The following KYNU variants were observed in gnomAD, a reference collection of about 807,000 sequenced individuals.
KYNU encodes the protein kynureninase, also known as L-kynurenine hydrolase.
KYNU carries 54 observed loss-of-function variants against 59.2 expected under a neutral mutation model. That is an observed-to-expected ratio of 0.91 (90% confidence interval 0.73 to 1.14). The LOEUF (loss-of-function observed/expected upper bound fraction) is 1.14. KYNU is among the 50% of genes most tolerant of loss of function. The pLI is 0.00. For synonymous variants in KYNU, 177 were observed against 192.0 expected, an observed-to-expected ratio of 0.92 and a Z score of 0.65; for missense variants, 567 against 554.4, an observed-to-expected ratio of 1.02 and a Z score of -0.23.
At chr2:143,016,552 CTG>C (rs1299190316) in intron 10 of KYNU, among the ~76,000 whole-genome samples, 1 of 152,100 alleles carries the variant, frequency 6.6e-6, no homozygotes, top group Admixed American at 6.5e-5. Flanking sequence ...ATACAAACAA[CTG>C]TGTCAAAATT....
chr2:142,901,393 C>CA (rs1409649965), intron 2 of KYNU, among the ~76,000 whole-genome samples: 1 of 152,124 alleles, frequency 6.6e-6, no homozygotes, highest in African/African-American at 2.4e-5. Flanking sequence ...GGGATTACCC[C>CA]ATACTAGGGG....
At chr2:142,970,533 G>A (rs1028573498) in intron 8 of KYNU, among the ~76,000 whole-genome samples, 6 of 152,116 alleles carry the variant, frequency 3.9e-5, no homozygotes, top group East Asian at 1.9e-4. Flanking sequence ...TCACTAGTAC[G>A]TGATGGATAA....
At chr2:142,893,418 A>T (rs1681772970) in intron 2 of KYNU, among the ~76,000 whole-genome samples, 1 of 152,236 alleles carries the variant, frequency 6.6e-6, no homozygotes, top group African/African-American at 2.4e-5. Context: ...TTCATTTAGC[A>T]GTCAGGAGAG....
intron 10 of KYNU, among the ~76,000 whole-genome samples, chr2:142,986,294 A>G (rs1685196971): frequency 1.3e-5 from 2 of 151,948 alleles, no homozygotes; most frequent in Non-Finnish European, 2.9e-5. Flanking sequence ...GTTTAATGCA[A>G]AGAGACCACT....
intron 3 of KYNU, among the ~76,000 whole-genome samples, chr2:142,926,874 C>A (rs1212768376): frequency 6.6e-6 from 1 of 152,202 alleles, no homozygotes; most frequent in African/African-American, 2.4e-5. Flanking sequence ...GGAGACCCCC[C>A]TGCCTGCTTA....
At chr2:142,881,040 G>A (rs980952311) in intron 1 of KYNU, among the ~76,000 whole-genome samples, 2 of 152,206 alleles carry the variant, frequency 1.3e-5, no homozygotes, top group Non-Finnish European at 2.9e-5. Flanking sequence ...ACTTTTGCCT[G>A]AGACATCCTA....
chr2:143,033,448 A>G, intron 12 of KYNU, 127 bp downstream of exon 12: 1 of 797,982 alleles, frequency 1.3e-6, no homozygotes. Flanking sequence ...AACAAGGGAC[A>G]GAAGGCAGCA....
At chr2:143,005,382 A>G (rs1685841011) in intron 10 of KYNU, among the ~76,000 whole-genome samples, 1 of 152,204 alleles carries the variant, frequency 6.6e-6, no homozygotes, top group South Asian at 2.1e-4. Context: ...CTAGGCATGC[A>G]AAGAGAAACA....
At chr2:142,980,509 C>T (rs1573866136) in intron 8 of KYNU, among the ~76,000 whole-genome samples, 1 of 152,108 alleles carries the variant, frequency 6.6e-6, no homozygotes, top group Non-Finnish European at 1.5e-5. Context: ...CCTCTGATAA[C>T]CATACCAAGG....
At chr2:142,928,257 T>C (rs1237802875) in intron 4 of KYNU, among the ~76,000 whole-genome samples, 1 of 152,226 alleles carries the variant, frequency 6.6e-6, no homozygotes, top group Non-Finnish European at 1.5e-5. Context: ...AAGAGAGTTA[T>C]ATATACTATC....
chr2:142,891,371 T>C (rs932548200), intron 2 of KYNU, among the ~76,000 whole-genome samples: 1 of 152,138 alleles, frequency 6.6e-6, no homozygotes, highest in African/African-American at 2.4e-5. Context: ...TTTTTACTAT[T>C]AAACTATATT....
intron 1 of KYNU, among the ~76,000 whole-genome samples, chr2:142,882,005 C>T (rs1214310758): frequency 2.0e-5 from 3 of 149,774 alleles, no homozygotes; most frequent in Non-Finnish European, 4.4e-5. Flanking sequence ...TCCCCTGCCT[C>T]GGCCTCCCAG....
chr2:143,028,311 T>C (rs1336633840), intron 10 of KYNU, among the ~76,000 whole-genome samples: 4 of 140,130 alleles, frequency 2.9e-5, no homozygotes, highest in Non-Finnish European at 4.6e-5. Flanking sequence ...AGTGGCTCCA[T>C]CTCGGCTCAC....
intron 4 of KYNU, among the ~76,000 whole-genome samples, chr2:142,953,675 C>T (rs553833788): frequency 6.6e-6 from 1 of 152,246 alleles, no homozygotes; most frequent in Admixed American, 6.5e-5. Flanking sequence ...ATATTATTCA[C>T]CTTACAGTGA....
chr2:143,011,141 G>T (rs1333748446), intron 10 of KYNU, among the ~76,000 whole-genome samples: 1 of 145,730 alleles, frequency 6.9e-6, no homozygotes, highest in Non-Finnish European at 1.5e-5. Flanking sequence ...CAAAATGGGA[G>T]ACAATTTTTG....
intron 1 of KYNU, chr2:142,879,770 C>T (rs1558896546): frequency 1.3e-5 from 2 of 152,104 alleles, no homozygotes; most frequent in Admixed American, 6.5e-5. Context: ...ATTCTGATGC[C>T]TCAGGATTAT....
Position 142,946,810 on chromosome 2 carries a change from A to G in KYNU, c.374-8000A>G, listed in dbSNP as rs547346916. ...TGTAGCTGAGACCTCCTTTCTAGCC[A>G]TAAAGTCCTAGATAGCATCTTCTTC... is the stretch of plus-strand genomic sequence containing the variant. On this transcript the variant is annotated intron_variant, in intron 4 of 13. Transcript: ENST00000264170. Among the ~76,000 whole-genome samples the G allele has an allele frequency of 2.6e-5, 4 of 152,310 alleles. No homozygotes were observed. In the East Asian group the frequency reaches 7.7e-4, roughly 29 times the overall value.
chr2:143,002,320 A>C (rs1685727566), intron 10 of KYNU, among the ~76,000 whole-genome samples: 1 of 152,122 alleles, frequency 6.6e-6, no homozygotes, highest in East Asian at 1.9e-4. Context: ...CATTAATAAA[A>C]CCCCAATGTC....
At chr2:143,029,208 C>T (rs1175688628) in intron 10 of KYNU, among the ~76,000 whole-genome samples, 1 of 152,066 alleles carries the variant, frequency 6.6e-6, no homozygotes, top group Non-Finnish European at 1.5e-5. Flanking sequence ...ATTTTATCTG[C>T]TGAAGTATTT....
Sources: allele counts gnomAD v4.1 joint callset (sites outside exome capture counted in the v4.1 genomes callset), GRCh38; gene constraint gnomAD v4.1.1; transcripts MANE v1.5; gene names NCBI Gene and HGNC (gene_info 2026-07-23, HGNC 2026-07-21).